UBA1: variants seen among roughly 807,000 people sequenced by gnomAD.
The protein encoded by UBA1 is ubiquitin like modifier activating enzyme 1.
UBA1 carries 4 observed loss-of-function variants against 84.7 expected under a neutral mutation model. The ratio of observed to expected loss-of-function variants is 0.05; its 90% CI spans 0.02 to 0.11. The LOEUF is 0.11. Among genes scored for constraint, UBA1 ranks in the 10% least tolerant of loss-of-function variants. The pLI is 1.00. For missense variants in UBA1, 513 were observed against 902.8 expected (o/e 0.57, Z 5.53); for synonymous variants, 364 against 362.6 (o/e 1.00, Z -0.04).
Position 47,202,491 on chromosome X carries a change from G to A in UBA1, c.1043G>A (p.Arg348Gln), listed in dbSNP as rs782479979. ...TGTGCTCAGCATGGCCGGCCACCTCGGCCCCGCAATGAGGTGGGTGAGTGG... is the reference window on the plus strand; with the variant it reads ...TGTGCTCAGCATGGCCGGCCACCTCAGCCCCGCAATGAGGTGGGTGAGTGG... ...QFCAQHGRPP[R>Q]PRNEEDAAEL... The change falls in exon 10 of 26, where the codon CGG becomes CAG. Residue 348 changes from arginine (R) to glutamine (Q), a missense_variant. Coordinates refer to ENST00000335972, the MANE Select transcript of UBA1 (RefSeq NM_003334.4). 2 of 1,199,983 alleles carry A rather than the reference G, an allele frequency of 1.7e-6. No individual in the cohort carries two copies. The highest frequency in any genetic ancestry group is 2.2e-6 in the Non-Finnish European group (2 of 889,947).
rs1306979471 is a variant in UBA1 at position 47,202,344 on chromosome X, TC to T, written c.910-8del. On this transcript the variant is annotated splice_polypyrimidine_tract_variant and intron_variant, in intron 9 of 25. Transcript: ENST00000335972. ...CCTCTCTTCTGGTTCTGATGACCTC[TC>T]CCCCCGCCACAGAAATCCTTGGTGG... The T allele has an allele frequency of 8.4e-7, 1 of 1,191,330 alleles. No homozygotes were observed. The highest frequency in any genetic ancestry group is 1.1e-6 in the Non-Finnish European group (1 of 886,384).
chrX:47,196,873 G>A (rs190167849), intron 1 of UBA1, among the ~76,000 whole-genome samples: 409 of 111,861 alleles, frequency 3.7e-3, no homozygotes, highest in African/African-American at 0.012. Flanking sequence ...GCCACTACAC[G>A]TGCCCAGGGA....
chrX:47,200,700 C>T (rs1463002623), intron 5 of UBA1, among the ~76,000 whole-genome samples, 194 bp from the exon 6 acceptor site: 1 of 112,137 alleles, frequency 8.9e-6, no homozygotes, highest in East Asian at 2.8e-4. Context: ...CTTCACCTTT[C>T]CTGGTATAGT....
rs1245749987 is a variant in UBA1, at chrX:47,207,677, G to GA, written c.1938+1243dup. Among the ~76,000 whole-genome samples, 22 of 105,216 alleles carry GA rather than the reference G, an allele frequency of 2.1e-4. 1 individual carries two copies. The highest frequency in any genetic ancestry group is 1.5e-3 in the East Asian group (5 of 3,437). The allele number at this position is 105,216 out of a possible 115,157, so 91.4% of individuals were successfully genotyped here. The stretch of plus-strand genomic sequence containing the variant: ...GAGGGTGGGAACAAAATAGGGAAGG[G>GA]AAAAAAAAAACAGTTCCATCTGTCA... On this transcript the variant is annotated intron_variant, in intron 16 of 25. Transcript: ENST00000335972.
rs782249223 is a variant in UBA1, at chrX:47,203,028, C to T, written c.1319C>T (p.Thr440Ile). The T allele has an allele frequency of 1.7e-6, 2 of 1,209,614 alleles. No homozygotes were observed. The highest frequency in any genetic ancestry group is 4.3e-5 in the Admixed American group (2 of 46,093). ...ECLPEDKEVL[T>I]EDKCLQRQNR... ...CTCCCTGAGGACAAAGAGGTCCTCA[C>T]AGAGGACAAGTGCCTCCAGGTATGT... The change falls in exon 12 of 26, where the codon ACA becomes ATA. Residue 440 changes from threonine (T) to isoleucine (I), a missense_variant. Thr to Ile is a moderately conservative substitution (Grantham distance 89, BLOSUM62 -1). Coordinates refer to ENST00000335972, the MANE Select transcript of UBA1 (RefSeq NM_003334.4).
upstream of UBA1, among the ~76,000 whole-genome samples, chrX:47,193,395 G>A (rs1303249180): frequency 9.0e-6 from 1 of 111,506 alleles, no homozygotes; most frequent in Non-Finnish European, 1.9e-5. Context: ...TTATTCATGA[G>A]TAAGTTGTGG....
At chrX:47,202,095 C>T in intron 8 of UBA1, 61 bp from the exon 9 acceptor site, 2 of 989,948 alleles carry the variant, frequency 2.0e-6, no homozygotes, top group Non-Finnish European at 2.8e-6. Flanking sequence ...CCTTATCTTG[C>T]AGGGGTTGTG....
At chrX:47,205,600 C>T (rs12844397) in intron 14 of UBA1, 125 of 356,261 alleles carry the variant, frequency 3.5e-4, no homozygotes, top group Non-Finnish European at 5.6e-4. Flanking sequence ...CGGTGGCTCA[C>T]GCCTGTAATC....
chrX:47,198,236 G>A (rs1471959750), intron 1 of UBA1: 5 of 979,596 alleles, frequency 5.1e-6, no homozygotes, highest in South Asian at 4.0e-5. Flanking sequence ...TGCACTCCCC[G>A]CTCCCGCCGC....
chrX:47,203,753 T>TC, intron 14 of UBA1, 57 bp downstream of exon 14: 2 of 1,118,950 alleles, frequency 1.8e-6, no homozygotes, highest in East Asian at 3.0e-5. Flanking sequence ...TTTTCTTTTT[T>TC]TTTTTTTTTT....
At chrX:47,198,652 G>A (rs1429473904) in intron 1 of UBA1, 151 bp from the exon 2 acceptor site, 17 of 574,634 alleles carry the variant, frequency 3.0e-5, no homozygotes, top group Admixed American at 5.4e-5. Flanking sequence ...GTTACCCTGG[G>A]CAAGTCCTCA....
rs782480767 is a variant in UBA1 at position 47,202,163 on chromosome X, T to C, written c.819T>C (p.Tyr273=). Residue 273 remains tyrosine (Y), a synonymous_variant, in exon 9 of 26, where the codon TAT becomes TAC. Transcript: ENST00000335972. ...QPMEIKVLGP[Y]TFSICDTSNF... is the part of the protein sequence containing the mutation. The stretch of plus-strand genomic sequence containing the variant: ...TCTTCCTGCCCTCTGTAGGTCCTTA[T>C]ACCTTTAGCATCTGTGACACCTCCA... 5.0e-6 allele frequency: 6 copies of C among 1,206,756 alleles called. No individual in the cohort carries two copies. The highest frequency in any genetic ancestry group is 2.2e-5 in the Admixed American group (1 of 45,627).
In UBA1 at chrX:47,205,336, C is replaced by T. The variant is rs1435218103; in HGVS notation, c.1576-612C>T. 5 of 309,318 alleles carry T rather than the reference C, an allele frequency of 1.6e-5. No individual in the cohort carries two copies. In the Admixed American group the frequency reaches 1.6e-4, roughly 10 times the overall value. The allele number at this position is 309,318 out of a possible 1,213,427, so 25.5% of individuals were successfully genotyped here. On this transcript the variant is annotated intron_variant, in intron 14 of 25. Transcript: ENST00000335972. ...GGTGGTTGGGGGAGTCTGCATCAAT[C>T]CTGGGTGCTGTTACCTGAAAAAATA...
At chrX:47,209,743 G>A (rs1360993548) in intron 17 of UBA1, 56 bp downstream of exon 17, 11 of 1,163,892 alleles carry the variant, frequency 9.5e-6, no homozygotes, top group Admixed American at 2.2e-5. Flanking sequence ...AAGGCATCCC[G>A]GCTGCTTTCC....
chrX:47,214,888 G>A lies in UBA1; in HGVS notation c.3136G>A (p.Glu1046Lys), dbSNP rs1556794795. 8.3e-7 allele frequency: 1 copy of A among 1,211,302 alleles called. No individual in the cohort carries two copies. Among genetic ancestry groups the A allele is most frequent in the Non-Finnish European group, 1.1e-6 (1 of 895,509 alleles). ...GCTGTGCTGTAACGACGAGAGCGGC[G>A]AGGATGTCGAGGTTCCCTATGTCCG... ...LELCCNDESG[E>K]DVEVPYVRYT... is the part of the protein sequence containing the mutation. The change falls in exon 26 of 26, where the codon GAG (glutamate) becomes AAG (lysine). Residue 1046 changes from glutamate (E) to lysine (K), a missense_variant. Glu to Lys is a moderately conservative substitution (Grantham distance 56). Around this residue, in one of 6 missense-constraint regions of UBA1, gnomAD observed 151 missense variants for 260.1 expected, o/e 0.58. Transcript: ENST00000335972.
At position 47,201,507 on chromosome X, in the gene UBA1, T is replaced by A. The variant is rs782088117; in HGVS notation, c.708T>A (p.Asp236Glu). 2 of 1,211,969 alleles carry A rather than the reference T, an allele frequency of 1.7e-6. No homozygotes were observed. The highest frequency in any genetic ancestry group is 1.8e-5 in the South Asian group (1 of 56,998). Reference sequence around the variant, plus strand: ...ACCCCGGTGTGGTTACCTGCCTGGATGAGGCCCGACACGGGTTTGAGAGCG... The same window carrying A: ...ACCCCGGTGTGGTTACCTGCCTGGAAGAGGCCCGACACGGGTTTGAGAGCG... ...KDNPGVVTCL[D>E]EARHGFESGD... The change falls in exon 8 of 26, where the codon GAT (aspartate) becomes GAA (glutamate). Residue 236 changes from aspartate to glutamate, a missense_variant. By Grantham distance (45) the Asp-to-Glu change is conservative. Around this residue, in one of 6 missense-constraint regions of UBA1, gnomAD observed 227 missense variants for 339.1 expected, o/e 0.67. Coordinates refer to ENST00000335972, the MANE Select transcript of UBA1 (RefSeq NM_003334.4).
chrX:47,200,361 C>T, intron 5 of UBA1, among the ~76,000 whole-genome samples: 1 of 112,255 alleles, frequency 8.9e-6, no homozygotes, highest in South Asian at 3.7e-4. Context: ...AAAGTCCAGG[C>T]CGGAAAGAGG....
upstream of UBA1, chrX:47,191,052 C>G (rs974313281): frequency 8.9e-6 from 1 of 111,770 alleles, no homozygotes; most frequent in Admixed American, 9.5e-5. Context: ...GTATTTGGAG[C>G]CTCCGGGCCC....
chrX:47,194,549 A>AC (rs1459330830), intron 1 of UBA1, among the ~76,000 whole-genome samples: 1 of 110,971 alleles, frequency 9.0e-6, no homozygotes, highest in African/African-American at 3.3e-5. Context: ...TTTCCTTCAG[A>AC]CCCCCATCCC....
Sources: allele counts gnomAD v4.1 joint callset (sites outside exome capture counted in the v4.1 genomes callset), GRCh38; gene constraint gnomAD v4.1.1; regional missense constraint gnomAD v4.1.1; transcripts MANE v1.5; gene names NCBI Gene and HGNC (gene_info 2026-07-23, HGNC 2026-07-21).